The following NPAS3 variants were observed in gnomAD, a reference collection of about 807,000 sequenced individuals.
NPAS3 encodes the protein neuronal PAS domain protein 3, also known as neuronal PAS domain-containing protein 3.
In NPAS3, 14 loss-of-function variants were observed where a neutral mutation model predicts 73.1. The observed-to-expected ratio is 0.19, with a 90% CI of 0.13 to 0.30. The LOEUF is 0.30. Among genes scored for constraint, NPAS3 ranks in the 10% least tolerant of loss-of-function variants. The probability of loss-of-function intolerance (pLI) is 1.00; values close to 1 mark genes in which losing one functional copy is unlikely to be tolerated. For missense variants in NPAS3, 1,096 were observed against 1,250.0 expected, an observed-to-expected ratio of 0.88 and a Z score of 1.86; for synonymous variants, 620 against 541.5, an observed-to-expected ratio of 1.14 and a Z score of -2.01.
intron 5 of NPAS3, among the ~76,000 whole-genome samples, chr14:33,639,099 C>T (rs1460413509): frequency 2.0e-5 from 3 of 152,174 alleles, no homozygotes; most frequent in South Asian, 2.1e-4. Context: ...CCTAGGACCA[C>T]ATTTTAAGGA....
chr14:33,713,703 T>G (rs375177666), intron 6 of NPAS3, among the ~76,000 whole-genome samples: 25 of 152,332 alleles, frequency 1.6e-4, no homozygotes, highest in Admixed American at 6.5e-4. Flanking sequence ...GCTCCCACCC[T>G]CTGTCCTTTA....
chr14:33,559,978 C>G, intron 4 of NPAS3, 143 bp from the exon 5 acceptor site: 1 of 445,364 alleles, frequency 2.2e-6, no homozygotes, highest in Non-Finnish European at 3.9e-6. Context: ...CCACTGCACT[C>G]TAGCCTGGGA....
At chr14:33,073,717 A>T (rs1226972258) in intron 2 of NPAS3, among the ~76,000 whole-genome samples, 1 of 152,204 alleles carries the variant, frequency 6.6e-6, no homozygotes. Context: ...TGAAGAAGAA[A>T]AGAGGAATTT....
At chr14:33,378,928 T>C (rs1364373774) in intron 4 of NPAS3, among the ~76,000 whole-genome samples, 3 of 152,196 alleles carry the variant, frequency 2.0e-5, no homozygotes, top group African/African-American at 4.8e-5. Context: ...TGAGCACCTC[T>C]AATCTGAAAA....
intron 2 of NPAS3, among the ~76,000 whole-genome samples, chr14:33,121,499 A>C (rs2043229947): frequency 6.6e-6 from 1 of 152,112 alleles, no homozygotes; most frequent in African/African-American, 2.4e-5. Flanking sequence ...TAATCCCAGC[A>C]CCTGGGAAAG....
At chr14:33,458,598 A>G (rs964051833) in intron 4 of NPAS3, among the ~76,000 whole-genome samples, 1 of 152,224 alleles carries the variant, frequency 6.6e-6, no homozygotes, top group African/African-American at 2.4e-5. Flanking sequence ...GTCATATCTG[A>G]AACAGAAATT....
intron 1 of NPAS3, among the ~76,000 whole-genome samples, chr14:33,002,061 A>G (rs974299909): frequency 3.3e-5 from 5 of 152,152 alleles, no homozygotes; most frequent in African/African-American, 1.2e-4. Flanking sequence ...GTCATGTATA[A>G]CTCATGAAAC....
intron 3 of NPAS3, among the ~76,000 whole-genome samples, chr14:33,365,172 C>T (rs902464518): frequency 6.6e-5 from 7 of 105,646 alleles, no homozygotes; most frequent in African/African-American, 2.7e-4. Context: ...CCGCTTCTCC[C>T]TCCCAAAAGC....
At chr14:33,192,018 G>A (rs2046189615) in intron 2 of NPAS3, among the ~76,000 whole-genome samples, 1 of 152,150 alleles carries the variant, frequency 6.6e-6, no homozygotes, top group Admixed American at 6.5e-5. Context: ...TGCCCACAAT[G>A]GTTAGAACTT....
intron 6 of NPAS3, among the ~76,000 whole-genome samples, chr14:33,676,807 GTTTC>G (rs536564228): frequency 5.4e-4 from 82 of 152,258 alleles, no homozygotes; most frequent in African/African-American, 1.9e-3. Context: ...AGAAATCTTG[GTTTC>G]TTTATTTTTT....
intron 4 of NPAS3, among the ~76,000 whole-genome samples, chr14:33,514,768 A>T (rs969457027): frequency 6.6e-6 from 1 of 152,106 alleles, no homozygotes; most frequent in Non-Finnish European, 1.5e-5. Flanking sequence ...TTATTTCATT[A>T]TATGATTATT....
chr14:33,602,661 G>A (rs968916030), intron 5 of NPAS3, among the ~76,000 whole-genome samples: 1 of 152,112 alleles, frequency 6.6e-6, no homozygotes, highest in Non-Finnish European at 1.5e-5. Flanking sequence ...TGGCATTATG[G>A]GTTTGTTGGT....
At chr14:33,520,330 G>A (rs1199649236) in intron 4 of NPAS3, among the ~76,000 whole-genome samples, 4 of 151,978 alleles carry the variant, frequency 2.6e-5, no homozygotes, top group Admixed American at 2.0e-4. Context: ...GACGAAATAG[G>A]GTCTATTAAT....
intron 5 of NPAS3, among the ~76,000 whole-genome samples, chr14:33,669,854 A>T (rs746120746): frequency 3.9e-5 from 6 of 152,182 alleles, no homozygotes; most frequent in Non-Finnish European, 7.3e-5. Context: ...CTTAACGTTC[A>T]GAACTGGTTA....
chr14:33,738,096 T>TCACAGTTATTTAATTAATCCA (rs1334188084), intron 7 of NPAS3, among the ~76,000 whole-genome samples: 1 of 152,146 alleles, frequency 6.6e-6, no homozygotes, highest in Non-Finnish European at 1.5e-5. Flanking sequence ...GCCACATGCT[T>TCACAGTTATTTAATTAATCCA]CACAGTTATT....
chr14:33,606,222 C>T (rs149737229), intron 5 of NPAS3, among the ~76,000 whole-genome samples: 9 of 124,924 alleles, frequency 7.2e-5, no homozygotes, highest in Admixed American at 8.5e-5. Flanking sequence ...TCCCTCCCCC[C>T]CTCCCCCCAC....
chr14:33,611,856 TTAATA>T (rs1282979545), intron 5 of NPAS3, among the ~76,000 whole-genome samples: 4 of 152,228 alleles, frequency 2.6e-5, no homozygotes, highest in Admixed American at 2.6e-4. Flanking sequence ...ATCATTTTCC[TTAATA>T]TAATCTATTT....
intron 2 of NPAS3, among the ~76,000 whole-genome samples, chr14:33,138,888 G>GA (rs2043940792): frequency 6.6e-6 from 1 of 152,188 alleles, no homozygotes; most frequent in Non-Finnish European, 1.5e-5. Context: ...ATTCTGTCGT[G>GA]ACAAGGAAAG....
intron 4 of NPAS3, among the ~76,000 whole-genome samples, chr14:33,429,108 A>T (rs1231082504): frequency 6.6e-6 from 1 of 152,170 alleles, no homozygotes; most frequent in East Asian, 1.9e-4. Context: ...TAAGGATGTC[A>T]TGTAGAAGTG....
Sources: gnomAD v4.1 joint callset for allele counts (sites outside exome capture counted in the v4.1 genomes callset) on GRCh38, gnomAD v4.1.1 for gene constraint, MANE v1.5 for transcripts, NCBI Gene and HGNC (gene_info 2026-07-23, HGNC 2026-07-21) for gene names.